KRT34: variants seen among roughly 807,000 people sequenced by gnomAD.
The protein encoded by KRT34 is keratin, type I cuticular Ha4.
In KRT34, 31 loss-of-function variants were observed where a neutral mutation model predicts 41.7. That is an observed-to-expected ratio of 0.74 (90% CI 0.56 to 1.00). The LOEUF (loss-of-function observed/expected upper bound fraction) is 1.00, where lower values mean the gene tolerates loss of function less well. Ranked by LOEUF, KRT34 falls within the 50% of genes least tolerant of loss-of-function variation. KRT34 has a pLI of 0.00. For missense variants in KRT34, 523 were observed against 500.3 expected (o/e 1.05, Z -0.43); for synonymous variants, 224 against 212.9 (o/e 1.05, Z -0.45).
Position 41,377,882 on chromosome 17 carries a change from T to C in KRT34, c.*177A>G. ...GAAGGAGTTGTCCAGACATTGGAAG[T>C]TGATGATGTGTGTCTTTGCTTGGGT... On this transcript the variant is annotated 3_prime_UTR_variant, in exon 7 of 7. Coordinates refer to ENST00000394001, the MANE Select transcript of KRT34 (RefSeq NM_001386014.1). The C allele has an allele frequency of 1.7e-6, 1 of 572,658 alleles. No individual in the cohort carries two copies. The allele number at this position is 572,658 out of a possible 1,614,324, so 35.5% of individuals were successfully genotyped here.
chr17:41,382,369 G>A, upstream of KRT34: 1 of 1,606,520 alleles, frequency 6.2e-7, no homozygotes, highest in Non-Finnish European at 8.5e-7. Context: ...TTGGCATACA[G>A]CATAGTTTCC....
At position 41,378,002 on chromosome 17, in the gene KRT34, C is replaced by T. The variant is rs2017875861; in HGVS notation, c.*57G>A. The T allele has an allele frequency of 9.2e-6, 12 of 1,303,600 alleles. No homozygotes were observed. The East Asian group carries it at 2.6e-4, about 28-fold the overall frequency. The allele number at this position is 1,303,600 out of a possible 1,614,324, so 80.8% of individuals were successfully genotyped here. ...CCAGAAAAGTCAGGACTTGAGGATC[C>T]TTCCTGTGGTTGATCTAAATGGCTT... On this transcript the variant is annotated 3_prime_UTR_variant, in exon 7 of 7. Transcript: ENST00000394001.
rs200883244 is a variant in KRT34 at position 41,378,033 on chromosome 17, A to G, written c.*26T>C. ...GTGGTTGATCTAAATGGCTTTGTAG[A>G]TGTCTTCAAAGAGGATACAAGCTTT... On this transcript the variant is annotated 3_prime_UTR_variant, in exon 7 of 7. Coordinates refer to ENST00000394001, the MANE Select transcript of KRT34 (RefSeq NM_001386014.1). 1.3e-6 allele frequency: 2 copies of G among 1,561,676 alleles called. No individual in the cohort carries two copies. Among genetic ancestry groups the G allele is most frequent in the African/African-American group, 1.3e-5 (1 of 74,152 alleles).
chr17:41,382,276 T>C lies in KRT34; in HGVS notation c.-30A>G. The C allele has an allele frequency of 6.2e-7, 1 of 1,613,108 alleles. No homozygotes were observed. The highest frequency in any genetic ancestry group is 8.5e-7 in the Non-Finnish European group (1 of 1,180,018). On this transcript the variant is annotated 5_prime_UTR_variant, in exon 1 of 7. Coordinates refer to ENST00000394001, the MANE Select transcript of KRT34 (RefSeq NM_001386014.1). ...CTGGAACAGGTAATGGAAAAGCAGG[T>C]AAGCTGCTGGAGGTGGATGTGGGCA...
chr17:41,381,630 G>T, intron 2 of KRT34, 83 bp downstream of exon 2: 1 of 1,223,194 alleles, frequency 8.2e-7, no homozygotes, highest in Non-Finnish European at 1.2e-6. Flanking sequence ...GAAATAGAGA[G>T]AAATGGCTTT....
upstream of KRT34, among the ~76,000 whole-genome samples, chr17:41,383,274 C>G (rs1409511811): frequency 6.6e-6 from 1 of 152,150 alleles, no homozygotes; most frequent in East Asian, 1.9e-4. Flanking sequence ...GCCTCGGCCT[C>G]CCAAAGTGCT....
chr17:41,381,024 C>T, intron 3 of KRT34, 32 bp downstream of exon 3: 1 of 1,610,466 alleles, frequency 6.2e-7, no homozygotes, highest in Non-Finnish European at 8.5e-7. Flanking sequence ...TAGCTTAGTT[C>T]TGAGGCCTGC....
chr17:41,380,914 G>C, intron 3 of KRT34, 142 bp downstream of exon 3: 2 of 819,552 alleles, frequency 2.4e-6, no homozygotes, highest in Middle Eastern at 6.9e-4. Context: ...CCTTGATATG[G>C]ATGTAGCACC....
chr17:41,382,154 C>A lies in KRT34; in HGVS notation c.93G>T (p.Leu31=), dbSNP rs1328505598. The change falls in exon 1 of 7, where the codon CTG becomes CTT. Residue 31 remains leucine (L), a synonymous_variant. Transcript: ENST00000394001. ...TGGCGGGGATGTTGCAGGCCCCAGG[C>A]AGGGTGTAGCCGTGGCAGCTGGGGG... ...CVPPSCHGYT[L]PGACNIPANV... is the part of the protein sequence containing the mutation. 1.2e-6 allele frequency: 2 copies of A among 1,612,420 alleles called. No individual in the cohort carries two copies. The highest frequency in any genetic ancestry group is 1.7e-5 in the Admixed American group (1 of 60,034).
intron 2 of KRT34, 24 bp downstream of exon 2, chr17:41,381,689 T>A: frequency 6.2e-7 from 1 of 1,606,630 alleles, no homozygotes; most frequent in Non-Finnish European, 8.5e-7. Flanking sequence ...GAAAGAACCA[T>A]AGGGACCTTG....
upstream of KRT34, among the ~76,000 whole-genome samples, chr17:41,383,042 C>G (rs765144155): frequency 7.7e-4 from 115 of 149,792 alleles, no homozygotes; most frequent in Non-Finnish European, 1.2e-3. Flanking sequence ...TTTTTTGAGA[C>G]AGAGTCTCAC....
chr17:41,381,857 G>A, intron 1 of KRT34, 42 bp downstream of exon 1: 1 of 1,613,142 alleles, frequency 6.2e-7, no homozygotes, highest in South Asian at 1.1e-5. Flanking sequence ...TGTTCAAAGA[G>A]AGCCAGCTGC....
intron 4 of KRT34, 33 bp downstream of exon 4, chr17:41,379,537 G>A (rs751316358): frequency 2.7e-5 from 44 of 1,613,738 alleles, no homozygotes; most frequent in African/African-American, 5.3e-5. Flanking sequence ...GGGGCACCTC[G>A]GGTCCTGAGT....
chr17:41,382,795 C>T (rs1389260569), upstream of KRT34, among the ~76,000 whole-genome samples: 4 of 152,162 alleles, frequency 2.6e-5, no homozygotes, highest in African/African-American at 9.7e-5. Context: ...AACCTGTATT[C>T]GCCGAAATGA....
At chr17:41,379,525 C>T (rs1333505682) in intron 4 of KRT34, 45 bp downstream of exon 4, 7 of 1,613,896 alleles carry the variant, frequency 4.3e-6, no homozygotes, top group Non-Finnish European at 5.9e-6. Context: ...CTCCAGGGCC[C>T]TGGGGCACCT....
Position 41,382,236 on chromosome 17 carries a change from C to T in KRT34, c.11G>A (p.Ser4Asn), listed in dbSNP as rs769725038. Residue 4 changes from serine to asparagine, a missense_variant, in exon 1 of 7, where the codon AGT (serine) becomes AAT (asparagine). Physicochemically the swap from Ser to Asn is conservative, Grantham distance 46. Transcript: ENST00000394001. ...GCAGCCCAGGCTGGGCAGGCAACAA[C>T]TGTAAGACATGGTGCTGGAACAGGT... MSY[S>N]CCLPSLGCRT... 4 of 1,612,686 alleles carry T rather than the reference C, an allele frequency of 2.5e-6. No individual in the cohort carries two copies. The highest frequency in any genetic ancestry group is 3.4e-6 in the Non-Finnish European group (4 of 1,180,028).
intron 6 of KRT34, among the ~76,000 whole-genome samples, chr17:41,378,476 C>T (rs977299378): frequency 1.4e-4 from 21 of 151,892 alleles, no homozygotes; most frequent in East Asian, 3.9e-4. Flanking sequence ...TTTTTGGTAG[C>T]GATGGGGTTT....
upstream of KRT34, among the ~76,000 whole-genome samples, chr17:41,382,936 T>G (rs927143124): frequency 2.0e-5 from 3 of 152,088 alleles, no homozygotes; most frequent in Admixed American, 1.3e-4. Context: ...GGAGTATACC[T>G]AAAAGAGGGC....
At position 41,382,077 on chromosome 17, in the gene KRT34, T is replaced by C; in HGVS notation, c.170A>G (p.Lys57Arg). ...FCEGSFNGSE[K>R]ETMQFLNDRL... is the part of the protein sequence containing the mutation. ...GTCGTTCAGGAACTGCATAGTCTCC[T>C]TCTCGCTGCCATTGAAGGAGCCCTC... Residue 57 changes from lysine to arginine, a missense_variant, in exon 1 of 7, where the codon AAG (lysine) becomes AGG (arginine). Coordinates refer to ENST00000394001, the MANE Select transcript of KRT34 (RefSeq NM_001386014.1). 1 of 1,613,160 alleles carries C rather than the reference T, an allele frequency of 6.2e-7. No individual in the cohort carries two copies.
Sources: gnomAD v4.1 joint callset for allele counts (sites outside exome capture counted in the v4.1 genomes callset) on GRCh38, gnomAD v4.1.1 for gene constraint, MANE v1.5 for transcripts, NCBI Gene and HGNC (gene_info 2026-07-23, HGNC 2026-07-21) for gene names.